The following P3H2 variants were observed in gnomAD, a reference collection of about 807,000 sequenced individuals.
P3H2 encodes leprecan-like 1.
Under a neutral mutation model 87.0 loss-of-function variants are expected in P3H2, and 80 were observed. The observed-to-expected ratio is 0.92, with a 90% CI of 0.77 to 1.11. The LOEUF is 1.11. Among genes scored for constraint, P3H2 ranks in the 50% least tolerant of loss-of-function variants. P3H2 has a pLI of 0.00. For synonymous variants in P3H2, 367 were observed against 359.3 expected (o/e 1.02, Z -0.24); for missense variants, 1,001 against 923.9 (o/e 1.08, Z -1.08).
In P3H2 at chr3:189,962,869, G is replaced by C. The variant is rs116257870; in HGVS notation, c.2034+1089C>G. ...GGATTCAACTTAGGAACCTAACAAGGAAAACTGGATAGAATGCCAGTTTTA... is the reference window on the plus strand; with the variant it reads ...GGATTCAACTTAGGAACCTAACAAGCAAAACTGGATAGAATGCCAGTTTTA... On this transcript the variant is annotated intron_variant, in intron 14 of 14. Coordinates refer to ENST00000319332, the MANE Select transcript of P3H2 (RefSeq NM_018192.4). Among the ~76,000 whole-genome samples, 1,422 of 152,304 alleles carry C rather than the reference G, an allele frequency of 9.3e-3. 18 individuals carry two copies. The highest frequency in any genetic ancestry group is 0.033 in the African/African-American group (1,361 of 41,564).
At position 190,064,888 on chromosome 3, in the gene P3H2, C is replaced by T. The variant is rs1726448294; in HGVS notation, c.480+55364G>A. ...CCAGTCTTCTGATATACAACAAAATCAAAATGTAAAGCAGCTTCCTTAGGT... is the reference window on the plus strand; with the variant it reads ...CCAGTCTTCTGATATACAACAAAATTAAAATGTAAAGCAGCTTCCTTAGGT... On this transcript the variant is annotated intron_variant, in intron 1 of 14. Transcript: ENST00000319332. Among the ~76,000 whole-genome samples, 6 of 152,224 alleles carry T rather than the reference C, an allele frequency of 3.9e-5. No homozygotes were observed. The South Asian group carries it at 1.2e-3, about 32-fold the overall frequency.
intron 3 of P3H2, among the ~76,000 whole-genome samples, chr3:189,992,117 G>A (rs1310164231): frequency 1.3e-5 from 2 of 152,126 alleles, no homozygotes; most frequent in Non-Finnish European, 2.9e-5. Flanking sequence ...CCTTTGAGAT[G>A]GAGTTTCGCT....
rs552041055 is a variant in P3H2 at position 190,090,432 on chromosome 3, G to A, written c.480+29820C>T. On this transcript the variant is annotated intron_variant, in intron 1 of 14. Coordinates refer to ENST00000319332, the MANE Select transcript of P3H2 (RefSeq NM_018192.4). ...TATTTACCACCTATTGGCCGCGCAC[G>A]GTGGCTCACGCCTGTAATCCCAGCA... is the stretch of plus-strand genomic sequence containing the variant. Among the ~76,000 whole-genome samples the A allele has an allele frequency of 1.2e-4, 19 of 152,204 alleles. No individual in the cohort carries two copies. The South Asian group carries it at 3.3e-3, about 27-fold the overall frequency.
At chr3:189,966,635 T>C (rs1272242845) in intron 13 of P3H2, among the ~76,000 whole-genome samples, 1 of 152,236 alleles carries the variant, frequency 6.6e-6, no homozygotes, top group Non-Finnish European at 1.5e-5. Flanking sequence ...TAAATGATTA[T>C]AAACATACTT....
At position 189,973,239 on chromosome 3, in the gene P3H2, C is replaced by T. The variant is rs541275753; in HGVS notation, c.1549-215G>A. 3 of 554,258 alleles carry T rather than the reference C, an allele frequency of 5.4e-6. No homozygotes were observed. The East Asian group carries it at 9.1e-5, about 17-fold the overall frequency. 34.3% of individuals were successfully genotyped at this position (554,258 alleles called of 1,614,324 possible). On this transcript the variant is annotated intron_variant, in intron 10 of 14. Coordinates refer to ENST00000319332, the MANE Select transcript of P3H2 (RefSeq NM_018192.4). ...TGGAAAGCTAAAAGCTACTTGGTTC[C>T]TCTTCTCTTCTATTATAATATGTTC...
At chr3:190,065,540 CAT>C (rs1726468818) in intron 1 of P3H2, among the ~76,000 whole-genome samples, 1 of 152,112 alleles carries the variant, frequency 6.6e-6, no homozygotes, top group South Asian at 2.1e-4. Context: ...TCAGTAACGA[CAT>C]AGAGATTTTT....
chr3:189,973,037 A>AAAC lies in P3H2; in HGVS notation c.1549-14_1549-13insGTT, dbSNP rs1553872130. On this transcript the variant is annotated splice_polypyrimidine_tract_variant and intron_variant, in intron 10 of 14. Transcript: ENST00000319332. Reference sequence around the variant, plus strand: ...CTTCATAACCAGACTGAAAAAAAAAAACAAAACATGAGAAACAAATGGGTT... The same window carrying AAAC: ...CTTCATAACCAGACTGAAAAAAAAAAAACACAAAACATGAGAAACAAATGGGTT... 6.2e-7 allele frequency: 1 copy of AAAC among 1,601,280 alleles called. No individual in the cohort carries two copies. The highest frequency in any genetic ancestry group is 1.7e-5 in the Admixed American group (1 of 58,440).
At chr3:190,117,217 C>A (rs888514127) in intron 1 of P3H2, among the ~76,000 whole-genome samples, 11 of 152,146 alleles carry the variant, frequency 7.2e-5, no homozygotes, top group Non-Finnish European at 1.5e-4. Context: ...TAGAAACATC[C>A]CTTTCCTCAT....
chr3:189,959,789 C>T (rs79455987), intron 14 of P3H2, among the ~76,000 whole-genome samples: 292 of 151,988 alleles, frequency 1.9e-3, no homozygotes, highest in African/African-American at 6.7e-3. Context: ...TCTATTACTA[C>T]TCCAGTCCAA....
chr3:189,972,091 T>A (rs553748842), intron 11 of P3H2, 84 bp from the exon 12 acceptor site: 2 of 848,076 alleles, frequency 2.4e-6, no homozygotes, highest in Non-Finnish European at 4.1e-6. Context: ...CTTCTCCCAG[T>A]CCTGATGATC....
chr3:190,071,592 T>G (rs1000848626), intron 1 of P3H2, among the ~76,000 whole-genome samples: 4 of 152,240 alleles, frequency 2.6e-5, no homozygotes, highest in South Asian at 2.1e-4. Context: ...TCCTTTCCAT[T>G]TGAGGAAAGA....
rs201516963 is a variant in P3H2, at chr3:190,111,305, G to C, written c.480+8947C>G. Among the ~76,000 whole-genome samples, 7 of 54,342 alleles carry C rather than the reference G, an allele frequency of 1.3e-4. No homozygotes were observed. In the South Asian group the frequency reaches 2.5e-3, roughly 20 times the overall value. The allele number at this position is 54,342 out of a possible 152,430, so 35.7% of individuals were successfully genotyped here. ...CTTCGTTAAGCTTGTGTTTTCACCG[G>C]GGCCTTACAAATAGTGGTCAACGGC... On this transcript the variant is annotated intron_variant, in intron 1 of 14. Coordinates refer to ENST00000319332, the MANE Select transcript of P3H2 (RefSeq NM_018192.4).
At chr3:190,061,571 C>G (rs1726332712) in intron 1 of P3H2, among the ~76,000 whole-genome samples, 1 of 152,082 alleles carries the variant, frequency 6.6e-6, no homozygotes, top group African/African-American at 2.4e-5. Context: ...ACTACAAAAT[C>G]TAAATAGTAC....
intron 10 of P3H2, among the ~76,000 whole-genome samples, chr3:189,973,617 A>G (rs1254520268): frequency 7.0e-6 from 1 of 143,298 alleles, no homozygotes; most frequent in Non-Finnish European, 1.5e-5. Flanking sequence ...TCTGCCTCCC[A>G]GGTTCACGCC....
upstream of P3H2, chr3:190,122,092 A>AAAAAAC (rs1183207377): frequency 1.3e-5 from 2 of 148,998 alleles, no homozygotes; most frequent in Non-Finnish European, 1.5e-5. Context: ...AAAACAAAAA[A>AAAAAAC]AACAAAGAAA....
chr3:190,082,470 A>G (rs141673385), intron 1 of P3H2, among the ~76,000 whole-genome samples: 228 of 152,324 alleles, frequency 1.5e-3, no homozygotes, highest in African/African-American at 5.3e-3. Context: ...TTGAAGGTAC[A>G]TATGATATTT....
At chr3:190,076,262 A>C (rs984104511) in intron 1 of P3H2, among the ~76,000 whole-genome samples, 2 of 152,160 alleles carry the variant, frequency 1.3e-5, no homozygotes, top group African/African-American at 2.4e-5. Flanking sequence ...GTGCTTTGGC[A>C]GGAGCACACT....
At chr3:189,987,235 G>A (rs902439787) in intron 5 of P3H2, among the ~76,000 whole-genome samples, 1 of 152,142 alleles carries the variant, frequency 6.6e-6, no homozygotes, top group African/African-American at 2.4e-5. Context: ...AGCACTTTGG[G>A]AGGACGAGGC....
chr3:190,119,170 GGGAGAGGAGA>G (rs759762087), intron 1 of P3H2, among the ~76,000 whole-genome samples: 16,808 of 51,260 alleles, frequency 0.33, 3,376 homozygotes, highest in East Asian at 0.44. Context: ...GGGAGGGGAG[GGGAGAGGAGA>G]GGAGAGGAGA....
Sources: allele counts gnomAD v4.1 joint callset (sites outside exome capture counted in the v4.1 genomes callset), GRCh38; gene constraint gnomAD v4.1.1; transcripts MANE v1.5; gene names NCBI Gene and HGNC (gene_info 2026-07-23, HGNC 2026-07-21).